DCLK1: variants seen among roughly 807,000 people sequenced by gnomAD.
The protein encoded by DCLK1 is doublecortin like kinase 1.
In DCLK1, 16 loss-of-function variants were observed where a neutral mutation model predicts 86.2. The observed-to-expected ratio is 0.19, with a 90% CI of 0.13 to 0.28. DCLK1 has a LOEUF of 0.28. Among genes scored for constraint, DCLK1 ranks in the 10% least tolerant of loss-of-function variants. The probability of loss-of-function intolerance (pLI) is 1.00; values close to 1 mark genes in which losing one functional copy is unlikely to be tolerated. For missense variants in DCLK1, 590 were observed against 940.2 expected (o/e 0.63, Z 4.87); for synonymous variants, 369 against 370.5 (o/e 1.00, Z 0.05).
intron 8 of DCLK1, among the ~76,000 whole-genome samples, chr13:35,833,776 T>G (rs1869147020): frequency 6.6e-6 from 1 of 152,190 alleles, no homozygotes; most frequent in African/African-American, 2.4e-5. Context: ...TTCTTGGACC[T>G]CTGGAAAATA....
intron 3 of DCLK1, among the ~76,000 whole-genome samples, chr13:36,062,756 C>T (rs944935463): frequency 2.6e-5 from 4 of 152,114 alleles, no homozygotes; most frequent in South Asian, 2.1e-4. Context: ...CACGGATAGG[C>T]GTCATTGTGG....
chr13:35,861,805 T>C (rs1228987055), intron 5 of DCLK1, among the ~76,000 whole-genome samples: 2 of 142,098 alleles, frequency 1.4e-5, no homozygotes, highest in African/African-American at 5.0e-5. Context: ...GGCAGGTAGA[T>C]CACGAGGTCA....
intron 4 of DCLK1, among the ~76,000 whole-genome samples, chr13:35,917,189 T>C (rs1053376354): frequency 1.3e-5 from 2 of 152,262 alleles, no homozygotes; most frequent in Admixed American, 1.3e-4. Context: ...CGTTGTTTCC[T>C]TATGAAAACT....
chr13:35,984,901 A>G (rs1440137288), intron 3 of DCLK1, among the ~76,000 whole-genome samples: 1 of 146,928 alleles, frequency 6.8e-6, no homozygotes, highest in East Asian at 2.0e-4. Context: ...GCGCATGCAC[A>G]CACACACACA....
At chr13:35,781,335 A>G (rs1016770233) in intron 16 of DCLK1, among the ~76,000 whole-genome samples, 3 of 152,180 alleles carry the variant, frequency 2.0e-5, no homozygotes, top group African/African-American at 2.4e-5. Flanking sequence ...TCGAGCCCCA[A>G]TTTCCAGGTC....
At chr13:35,939,837 A>G (rs1162034339) in intron 4 of DCLK1, among the ~76,000 whole-genome samples, 1 of 152,232 alleles carries the variant, frequency 6.6e-6, no homozygotes, top group African/African-American at 2.4e-5. Flanking sequence ...CTTATAATCC[A>G]ATTAAAATTT....
Position 35,837,057 on chromosome 13 carries a change from C to G in DCLK1, c.1121-916G>C, listed in dbSNP as rs186735684. On this transcript the variant is annotated intron_variant, in intron 7 of 16. Transcript: ENST00000360631. The stretch of plus-strand genomic sequence containing the variant: ...ATGTGATGGAACCCCGGTGTGTTTT[C>G]TAAATGCACTCCTCTTCCGACCTTT... Among the ~76,000 whole-genome samples, 14 of 152,298 alleles carry G rather than the reference C, an allele frequency of 9.2e-5. No homozygotes were observed. In the East Asian group the frequency reaches 2.7e-3, roughly 29 times the overall value.
chr13:35,781,506 T>C (rs923011644), intron 16 of DCLK1, among the ~76,000 whole-genome samples: 3 of 152,224 alleles, frequency 2.0e-5, no homozygotes, highest in Non-Finnish European at 2.9e-5. Context: ...ATGTTTCTGT[T>C]CCGCAATGCT....
chr13:35,788,146 TG>T (rs1022845789), intron 16 of DCLK1: 1 of 1,445,858 alleles, frequency 6.9e-7, no homozygotes, highest in African/African-American at 1.4e-5. Flanking sequence ...CCGAAGGAAC[TG>T]GTTAATGGAG....
intron 4 of DCLK1, among the ~76,000 whole-genome samples, chr13:35,877,957 C>T (rs950266732): frequency 2.0e-5 from 3 of 152,214 alleles, no homozygotes; most frequent in African/African-American, 7.2e-5. Flanking sequence ...ATGTTCACTT[C>T]CCTCCCCTTG....
intron 3 of DCLK1, among the ~76,000 whole-genome samples, chr13:36,009,705 C>T (rs1175802010): frequency 1.2e-4 from 12 of 103,522 alleles, no homozygotes; most frequent in East Asian, 2.8e-4. Context: ...CTTGGCGATG[C>T]GGGCTCTTTT....
intron 3 of DCLK1, among the ~76,000 whole-genome samples, chr13:35,955,034 C>T (rs1482689632): frequency 6.6e-6 from 1 of 152,106 alleles, no homozygotes; most frequent in African/African-American, 2.4e-5. Context: ...GTGTTCTCAG[C>T]TGCTGTAGTT....
At chr13:35,914,669 T>A (rs1002674797) in intron 4 of DCLK1, among the ~76,000 whole-genome samples, 6 of 149,692 alleles carry the variant, frequency 4.0e-5, no homozygotes, top group African/African-American at 1.2e-4. Flanking sequence ...TGAGCTGTGA[T>A]CACACCACTG....
intron 4 of DCLK1, among the ~76,000 whole-genome samples, chr13:35,915,282 G>A (rs774165181): frequency 1.8e-4 from 28 of 152,274 alleles, no homozygotes; most frequent in Middle Eastern, 3.4e-3. Context: ...GAATAACTTG[G>A]GTAGTAAGTG....
At position 35,966,164 on chromosome 13, in the gene DCLK1, G is replaced by A. The variant is rs1878724004; in HGVS notation, c.724-18707C>T. On this transcript the variant is annotated intron_variant, in intron 3 of 16. Transcript: ENST00000360631. ...CGTTGGCAAGGATGTGGGGAAACTG[G>A]AACTCTTGTGAAATTCTTGTGGGAA... 2.6e-5 allele frequency among the ~76,000 whole-genome samples: 4 copies of A among 152,288 alleles called. No individual in the cohort carries two copies. The South Asian group carries it at 6.2e-4, about 24-fold the overall frequency.
At chr13:35,886,546 G>A (rs1029763243) in intron 4 of DCLK1, among the ~76,000 whole-genome samples, 10 of 152,162 alleles carry the variant, frequency 6.6e-5, no homozygotes, top group Admixed American at 2.6e-4. Flanking sequence ...TCGGAAGAGT[G>A]CCACATGTGA....
intron 12 of DCLK1, 106 bp from the exon 13 acceptor site, chr13:35,809,201 C>G: frequency 1.3e-6 from 1 of 764,908 alleles, no homozygotes; most frequent in Non-Finnish European, 2.0e-6. Flanking sequence ...TAAAACCAAA[C>G]AAAATAACAA....
chr13:35,936,609 G>A (rs1469341308), intron 4 of DCLK1, among the ~76,000 whole-genome samples: 1 of 152,204 alleles, frequency 6.6e-6, no homozygotes, highest in Non-Finnish European at 1.5e-5. Context: ...CTTGATCAGT[G>A]TCCTCTGTGG....
Position 35,827,683 on chromosome 13 carries a change from C to T in DCLK1, c.1359G>A (p.Glu453=), listed in dbSNP as rs1868593507. 2 of 1,613,824 alleles carry T rather than the reference C, an allele frequency of 1.2e-6. No individual in the cohort carries two copies. Among genetic ancestry groups the T allele is most frequent in the Admixed American group, 3.3e-5 (2 of 59,992 alleles). The change falls in exon 10 of 17, where the codon GAG becomes GAA. Residue 453 remains glutamate (E), a synonymous_variant. Transcript: ENST00000360631. The stretch of plus-strand genomic sequence containing the variant: ...ACAGTTCAGTTGGCACATCCATCTC[C>T]TCAATCAGAAGAACGATATTGGGAT... ...VKHPNIVLLI[E]EMDVPTELYL... is the part of the protein sequence containing the mutation.
Sources: allele counts gnomAD v4.1 joint callset (sites outside exome capture counted in the v4.1 genomes callset), GRCh38; gene constraint gnomAD v4.1.1; transcripts MANE v1.5; gene names NCBI Gene and HGNC (gene_info 2026-07-23, HGNC 2026-07-21).